MYO18B: variants seen among roughly 807,000 people sequenced by gnomAD.
MYO18B encodes the protein unconventional myosin-XVIIIb.
Under a neutral mutation model 273.0 loss-of-function variants are expected in MYO18B, and 204 were observed. The ratio of observed to expected loss-of-function variants is 0.75; its 90% CI spans 0.67 to 0.84. MYO18B has a LOEUF of 0.84. MYO18B is among the 40% of genes least tolerant of loss of function. The pLI, the probability that MYO18B is intolerant of heterozygous loss-of-function variation, is 0.00. For missense variants in MYO18B, 3,212 were observed against 3,287.6 expected, an observed-to-expected ratio of 0.98 and a Z score of 0.56; for synonymous variants, 1,330 against 1,305.7, an observed-to-expected ratio of 1.02 and a Z score of -0.40.
At chr22:25,753,950 G>A (rs915018587) in intron 1 of MYO18B, among the ~76,000 whole-genome samples, 3 of 152,212 alleles carry the variant, frequency 2.0e-5, no homozygotes, top group Non-Finnish European at 2.9e-5. Context: ...TGTTGCCCAG[G>A]CTCTTTTGGA....
intron 22 of MYO18B, among the ~76,000 whole-genome samples, chr22:25,871,497 A>G (rs919403241): frequency 2.2e-4 from 34 of 152,218 alleles, no homozygotes; most frequent in Admixed American, 2.1e-3. Flanking sequence ...AGCTGTTTCC[A>G]TATCAGATTT....
At chr22:26,017,084 TCTCC>T (rs71191098) in intron 42 of MYO18B, among the ~76,000 whole-genome samples, 6,878 of 92,638 alleles carry the variant, frequency 0.074, 354 homozygotes, top group African/African-American at 0.12. Context: ...TCTCTGTGCC[TCTCC>T]CTCCCTCCCT....
intron 2 of MYO18B, 47 bp from the exon 3 acceptor site, chr22:25,763,184 G>C: frequency 6.2e-7 from 1 of 1,609,760 alleles, no homozygotes; most frequent in Non-Finnish European, 8.5e-7. Flanking sequence ...GCTTGCTCCT[G>C]CTGGTTGACT....
At chr22:25,909,565 A>G (rs2092115394) in intron 32 of MYO18B, among the ~76,000 whole-genome samples, 1 of 152,180 alleles carries the variant, frequency 6.6e-6, no homozygotes, top group Admixed American at 6.5e-5. Flanking sequence ...TCAGGTGAAG[A>G]TTGCACACAT....
chr22:25,789,632 T>C (rs1601700477), intron 11 of MYO18B, among the ~76,000 whole-genome samples: 3 of 20,170 alleles, frequency 1.5e-4, no homozygotes, highest in African/African-American at 3.2e-4. Context: ...CGAGACTGTC[T>C]CAAGAAAAAA....
At chr22:26,017,734 T>G (rs1935472003) in intron 42 of MYO18B, among the ~76,000 whole-genome samples, 1 of 152,206 alleles carries the variant, frequency 6.6e-6, no homozygotes, top group South Asian at 2.1e-4. Flanking sequence ...TATTAAAGAA[T>G]GATACTCATT....
chr22:25,959,086 G>T (rs912753080), intron 39 of MYO18B: 1 of 152,076 alleles, frequency 6.6e-6, no homozygotes, highest in Admixed American at 6.5e-5. Context: ...AGTGTACTTC[G>T]TACAAGTATG....
chr22:25,755,005 A>C (rs112677738), intron 1 of MYO18B, among the ~76,000 whole-genome samples: 26 of 152,282 alleles, frequency 1.7e-4, no homozygotes, highest in African/African-American at 5.8e-4. Flanking sequence ...AGTGGCGGCC[A>C]AGGCAGCCAC....
chr22:25,946,871 A>AACT (rs1372114990), intron 35 of MYO18B, among the ~76,000 whole-genome samples: 5 of 152,168 alleles, frequency 3.3e-5, no homozygotes, highest in Admixed American at 1.3e-4. Context: ...TTTATTATGG[A>AACT]ACTACCCTGT....
chr22:25,983,583 C>G (rs1427372424), intron 39 of MYO18B: 2 of 152,220 alleles, frequency 1.3e-5, no homozygotes, highest in African/African-American at 2.4e-5. Flanking sequence ...AGATCCACTC[C>G]TACCCCTTCT....
chr22:25,974,945 G>A (rs777698882), intron 39 of MYO18B, among the ~76,000 whole-genome samples: 2 of 152,204 alleles, frequency 1.3e-5, no homozygotes, highest in Non-Finnish European at 2.9e-5. Flanking sequence ...CCCTGACACT[G>A]GGAGAGTGTC....
chr22:25,950,318 C>A, intron 36 of MYO18B, 49 bp from the exon 37 acceptor site: 1 of 1,493,646 alleles, frequency 6.7e-7, no homozygotes, highest in Non-Finnish European at 9.1e-7. Context: ...CCCAGCAAGG[C>A]TTGTGGACTC....
At chr22:25,927,655 C>T (rs1196731968) in intron 34 of MYO18B, among the ~76,000 whole-genome samples, 1 of 152,188 alleles carries the variant, frequency 6.6e-6, no homozygotes, top group Non-Finnish European at 1.5e-5. Context: ...GTGACCCACA[C>T]CTATTCGCGT....
At chr22:25,762,917 C>A (rs912270712) in intron 2 of MYO18B, among the ~76,000 whole-genome samples, 4 of 152,232 alleles carry the variant, frequency 2.6e-5, no homozygotes, top group Non-Finnish European at 1.5e-5. Flanking sequence ...TGGGCATGTC[C>A]CATGGCAAGG....
chr22:25,867,196 T>A (rs533736491), intron 21 of MYO18B, among the ~76,000 whole-genome samples: 1 of 152,340 alleles, frequency 6.6e-6, no homozygotes, highest in East Asian at 1.9e-4. Context: ...ATATTCTCAG[T>A]GTGGTGCAAC....
At chr22:25,956,235 A>T (rs1256820096) in intron 39 of MYO18B, among the ~76,000 whole-genome samples, 1 of 144,710 alleles carries the variant, frequency 6.9e-6, no homozygotes, top group Non-Finnish European at 1.5e-5. Flanking sequence ...TTTTCCCTGG[A>T]GACAGAGTCT....
At chr22:26,000,206 C>T (rs927650135) in intron 40 of MYO18B, among the ~76,000 whole-genome samples, 1 of 152,236 alleles carries the variant, frequency 6.6e-6, no homozygotes, top group Non-Finnish European at 1.5e-5. Context: ...ACACTTTCTT[C>T]ACATGGTAAA....
In MYO18B at chr22:26,026,988, C is replaced by T. The variant is rs1046770993; in HGVS notation, c.7014C>T (p.Thr2338=). 1 of 1,613,942 alleles carries T rather than the reference C, an allele frequency of 6.2e-7. No homozygotes were observed. The highest frequency in any genetic ancestry group is 8.5e-7 in the Non-Finnish European group (1 of 1,179,884). ...CTTCAGACGGTGTTGGGGGCACAACCCTACTCCCCGAAAAGTCGAAAACCC... is the reference window on the plus strand; with the variant it reads ...CTTCAGACGGTGTTGGGGGCACAACTCTACTCCCCGAAAAGTCGAAAACCC... The part of the protein sequence containing the change: ...CISSDGVGGT[T]LLPEKSKTQF... The change falls in exon 43 of 44, where the codon ACC becomes ACT. Residue 2338 remains threonine, a synonymous_variant. Coordinates refer to ENST00000335473, the MANE Select transcript of MYO18B (RefSeq NM_032608.7).
chr22:25,829,343 G>A (rs773046799), intron 15 of MYO18B, among the ~76,000 whole-genome samples: 34 of 152,250 alleles, frequency 2.2e-4, no homozygotes, highest in South Asian at 4.2e-4. Flanking sequence ...AGTCCTGTGG[G>A]TGGGTGGCAG....
Sources: gnomAD v4.1 joint callset for allele counts (sites outside exome capture counted in the v4.1 genomes callset) on GRCh38, gnomAD v4.1.1 for gene constraint, MANE v1.5 for transcripts, NCBI Gene and HGNC (gene_info 2026-07-23, HGNC 2026-07-21) for gene names.